DOCK9: variants seen among roughly 807,000 people sequenced by gnomAD.
The protein encoded by DOCK9 is dedicator of cytokinesis protein 9.
DOCK9 carries 89 observed loss-of-function variants against 263.3 expected under a neutral mutation model. The ratio of observed to expected loss-of-function variants is 0.34; its 90% CI spans 0.28 to 0.40. The LOEUF (loss-of-function observed/expected upper bound fraction) is 0.40. DOCK9 is among the 10% of genes least tolerant of loss of function. DOCK9 has a pLI of 1.00. For synonymous variants in DOCK9, 976 were observed against 973.1 expected, an observed-to-expected ratio of 1.00 and a Z score of -0.06; for missense variants, 2,140 against 2,603.4, an observed-to-expected ratio of 0.82 and a Z score of 3.87.
chr13:98,929,661 A>G (rs1463407574), intron 3 of DOCK9, among the ~76,000 whole-genome samples: 1 of 151,718 alleles, frequency 6.6e-6, no homozygotes, highest in Non-Finnish European at 1.5e-5. Flanking sequence ...AGGAATATAT[A>G]TAGTAATCAA....
intron 1 of DOCK9, among the ~76,000 whole-genome samples, chr13:99,074,464 G>A (rs575831782): frequency 3.9e-5 from 6 of 152,290 alleles, no homozygotes; most frequent in South Asian, 2.1e-4. Context: ...AAAACAGCTC[G>A]GAGCAGTCTG....
chr13:98,838,012 T>C (rs372089524), intron 38 of DOCK9, among the ~76,000 whole-genome samples: 35 of 152,320 alleles, frequency 2.3e-4, no homozygotes, highest in African/African-American at 7.7e-4. Flanking sequence ...TCTAAAGTCA[T>C]ACAGGTAGTA....
intron 1 of DOCK9, among the ~76,000 whole-genome samples, chr13:99,083,538 CAT>C (rs1160653161): frequency 6.6e-6 from 1 of 152,112 alleles, no homozygotes; most frequent in African/African-American, 2.4e-5. Context: ...GAAGAAGAGA[CAT>C]ATGAAGCAGG....
chr13:99,008,212 C>CTATATA (rs1161970142), intron 1 of DOCK9, among the ~76,000 whole-genome samples: 31 of 79,170 alleles, frequency 3.9e-4, no homozygotes, highest in South Asian at 9.7e-4. Flanking sequence ...CTCTCTCTCT[C>CTATATA]TATATATATA....
At chr13:98,993,287 T>G (rs777311479) in intron 1 of DOCK9, among the ~76,000 whole-genome samples, 1 of 152,212 alleles carries the variant, frequency 6.6e-6, no homozygotes, top group Non-Finnish European at 1.5e-5. Context: ...CGTATGAGAC[T>G]CCAAATTCCT....
At chr13:98,950,217 G>T in intron 2 of DOCK9, 1 of 1,048,822 alleles carries the variant, frequency 9.5e-7, no homozygotes, top group Non-Finnish European at 1.4e-6. Flanking sequence ...GCAATTCCAA[G>T]GCATGAGGTT....
At chr13:98,935,784 A>G (rs1482634501) in intron 2 of DOCK9, among the ~76,000 whole-genome samples, 1 of 152,142 alleles carries the variant, frequency 6.6e-6, no homozygotes. Context: ...TAAATAAAAA[A>G]TAATAATAAA....
At chr13:99,044,492 A>G (rs891390994) in intron 1 of DOCK9, among the ~76,000 whole-genome samples, 1 of 152,208 alleles carries the variant, frequency 6.6e-6, no homozygotes, top group African/African-American at 2.4e-5. Context: ...TCAGACCCAC[A>G]CTGATCAGGA....
intron 2 of DOCK9, among the ~76,000 whole-genome samples, chr13:98,950,831 C>T (rs532740650): frequency 1.3e-4 from 20 of 152,296 alleles, no homozygotes; most frequent in African/African-American, 3.6e-4. Context: ...AAGATGCCGT[C>T]GGTTAATCGC....
At chr13:98,860,078 A>C (rs944374857) in intron 33 of DOCK9, 4 of 707,690 alleles carry the variant, frequency 5.7e-6, no homozygotes, top group African/African-American at 3.7e-5. Flanking sequence ...CCCTCCCCCC[A>C]CCACCTGCAA....
intron 1 of DOCK9, among the ~76,000 whole-genome samples, chr13:99,082,637 T>A (rs1029460671): frequency 1.1e-4 from 16 of 152,282 alleles, no homozygotes; most frequent in Admixed American, 7.2e-4. Flanking sequence ...ATGCCTCTTA[T>A]TTAACAGAGC....
chr13:99,038,554 C>A (rs1347907234), intron 1 of DOCK9, among the ~76,000 whole-genome samples: 1 of 152,088 alleles, frequency 6.6e-6, no homozygotes, highest in Non-Finnish European at 1.5e-5. Flanking sequence ...GATCCACCCA[C>A]CTCAGCCTCC....
chr13:98,940,177 T>C lies in DOCK9; in HGVS notation c.244-9920A>G, dbSNP rs961518784. The stretch of plus-strand genomic sequence containing the variant: ...TTCCCACATTTTACCTCACAATTCA[T>C]GTCTTGGCAGTTAACCCACGATGTT... On this transcript the variant is annotated intron_variant, in intron 2 of 52. Coordinates refer to ENST00000682017, the MANE Select transcript of DOCK9 (RefSeq NM_001366683.2). 6.6e-5 allele frequency among the ~76,000 whole-genome samples: 10 copies of C among 152,344 alleles called. No homozygotes were observed. The South Asian group carries it at 8.3e-4, about 13-fold the overall frequency.
chr13:99,013,015 T>C (rs1032439153), intron 1 of DOCK9, among the ~76,000 whole-genome samples: 6 of 152,210 alleles, frequency 3.9e-5, no homozygotes, highest in African/African-American at 1.4e-4. Context: ...CCTCATTGAT[T>C]GAGCATTTAC....
chr13:99,084,931 C>T (rs146637850), intron 1 of DOCK9, among the ~76,000 whole-genome samples: 151 of 152,356 alleles, frequency 9.9e-4, no homozygotes, highest in Non-Finnish European at 1.3e-3. Context: ...ATTCCCAACT[C>T]CTGCTCTACT....
Position 98,824,353 on chromosome 13 carries a change from C to T in DOCK9, c.5130+45G>A. 1.9e-6 allele frequency: 3 copies of T among 1,575,998 alleles called. No individual in the cohort carries two copies. In the African/African-American group the frequency reaches 4.0e-5, roughly 21 times the overall value. The stretch of plus-strand genomic sequence containing the variant: ...ACTAGCAATGCAAACAGCAGGCTCC[C>T]AGATACCCCAGTACCTGAAAGCCCA... On this transcript the variant is annotated intron_variant, in intron 45 of 52. Coordinates refer to ENST00000682017, the MANE Select transcript of DOCK9 (RefSeq NM_001366683.2).
At chr13:99,045,814 C>T (rs1051220410) in intron 1 of DOCK9, among the ~76,000 whole-genome samples, 3 of 151,796 alleles carry the variant, frequency 2.0e-5, no homozygotes, top group Non-Finnish European at 4.4e-5. Context: ...AAACAGCAGC[C>T]GGGTGCGGTG....
chr13:98,860,662 T>G, intron 32 of DOCK9, 140 bp from the exon 33 acceptor site: 1 of 539,772 alleles, frequency 1.9e-6, no homozygotes, highest in Non-Finnish European at 2.8e-6. Flanking sequence ...GGAGTAGCCT[T>G]GAGGCGTGGG....
intron 1 of DOCK9, among the ~76,000 whole-genome samples, chr13:98,986,669 C>T (rs1321257141): frequency 6.6e-6 from 1 of 152,170 alleles, no homozygotes. Flanking sequence ...GGAGGGCCTT[C>T]TATTTCCTCC....
Sources: gnomAD v4.1 joint callset for allele counts (sites outside exome capture counted in the v4.1 genomes callset) on GRCh38, gnomAD v4.1.1 for gene constraint, MANE v1.5 for transcripts, NCBI Gene and HGNC (gene_info 2026-07-23, HGNC 2026-07-21) for gene names.